KIAA0586: variants seen among roughly 807,000 people sequenced by gnomAD.
The protein encoded by KIAA0586 is protein TALPID3.
A neutral mutation model predicts 169.8 loss-of-function variants in KIAA0586; 144 were observed. The ratio of observed to expected loss-of-function variants is 0.85; its 90% CI spans 0.74 to 0.97. The LOEUF (loss-of-function observed/expected upper bound fraction) is 0.97, where lower values mean the gene tolerates loss of function less well. Ranked by LOEUF, KIAA0586 falls within the 50% of genes least tolerant of loss-of-function variation. The pLI is 0.00. For missense variants in KIAA0586, 1,854 were observed against 1,823.0 expected, an observed-to-expected ratio of 1.02 and a Z score of -0.31; for synonymous variants, 625 against 612.4, an observed-to-expected ratio of 1.02 and a Z score of -0.30.
At chr14:58,531,326 C>CAAA (rs1025870057) in intron 29 of KIAA0586, among the ~76,000 whole-genome samples, 5 of 96,170 alleles carry the variant, frequency 5.2e-5, no homozygotes, top group East Asian at 2.7e-4. Flanking sequence ...GACTCCGTCT[C>CAAA]AAAAAAAAAA....
chr14:58,556,436 T>A, the KIAA0586 span, among the ~76,000 whole-genome samples: 1 of 152,246 alleles, frequency 6.6e-6, no homozygotes, highest in Admixed American at 6.5e-5. Flanking sequence ...ATTTATATAG[T>A]GAAGTACTAA....
At chr14:58,518,352 T>C (rs1022823024) in intron 29 of KIAA0586, among the ~76,000 whole-genome samples, 5 of 152,302 alleles carry the variant, frequency 3.3e-5, no homozygotes, top group African/African-American at 1.2e-4. Flanking sequence ...TTAAATTGGA[T>C]TTTTAGGTGT....
At chr14:58,478,304 G>GA (rs2041798820) in intron 20 of KIAA0586, among the ~76,000 whole-genome samples, 1 of 152,166 alleles carries the variant, frequency 6.6e-6, no homozygotes, top group Admixed American at 6.5e-5. Context: ...CCAACATAGT[G>GA]AAACCCCGTC....
At chr14:58,523,340 C>T (rs1331031009) in intron 29 of KIAA0586, among the ~76,000 whole-genome samples, 1 of 152,114 alleles carries the variant, frequency 6.6e-6, no homozygotes. Context: ...ACATTAAACA[C>T]ATCTCACCAA....
rs1293714711 is a variant in KIAA0586 at position 58,428,456 on chromosome 14, A to G, written c.192A>G (p.Thr64=). Residue 64 remains threonine, a synonymous_variant, in exon 1 of 31, where the codon ACA becomes ACG. Transcript: ENST00000652326. ...PVGTGTSLNG[T]SRGSSDLTSA... is the part of the protein sequence containing the mutation. ...GAACGGGGACTAGTTTGAATGGAAC[A>G]TCACGTGGTATGTGATTCCATGTAG... 6.2e-7 allele frequency: 1 copy of G among 1,607,458 alleles called. No homozygotes were observed. Among genetic ancestry groups the G allele is most frequent in the Non-Finnish European group, 8.5e-7 (1 of 1,173,972 alleles).
rs1398683889 is a variant in KIAA0586 at position 58,428,059 on chromosome 14, G to A, written c.-206G>A. On this transcript the variant is annotated 5_prime_UTR_variant, in exon 1 of 31. Coordinates refer to ENST00000652326, the MANE Select transcript of KIAA0586 (RefSeq NM_001329943.3). ...CACATTTTGGCGTGGTGTATTAATA[G>A]ACTGAGTGGGATTAATGGGTAAATA... 1 of 1,441,464 alleles carries A rather than the reference G, an allele frequency of 6.9e-7. No homozygotes were observed. The highest frequency in any genetic ancestry group is 1.5e-5 in the South Asian group (1 of 65,548). 89.3% of individuals were successfully genotyped at this position (1,441,464 alleles called of 1,614,324 possible).
chr14:58,556,570 A>G, the KIAA0586 span, among the ~76,000 whole-genome samples: 10,435 of 152,180 alleles, frequency 0.069, 493 homozygotes, highest in Non-Finnish European at 0.1. Flanking sequence ...CCTAGTCAAT[A>G]CACACCCCTC....
rs1370748656 is a variant in KIAA0586, at chr14:58,548,503, C to T, written c.*571C>T. On this transcript the variant is annotated 3_prime_UTR_variant, in exon 31 of 31. Transcript: ENST00000652326. ...ATTTAAAATGGGGTGGGGAGGAATT[C>T]AAATGTATGGTATGTCACATATTCT... 1 of 152,062 alleles carries T rather than the reference C, an allele frequency of 6.6e-6. No individual in the cohort carries two copies. The highest frequency in any genetic ancestry group is 2.4e-5 in the African/African-American group (1 of 41,410). The allele number at this position is 152,062 out of a possible 1,614,324, so 9.4% of individuals were successfully genotyped here. A position where few individuals can be genotyped will look rare whatever the true frequency, so the allele number is the denominator to read the frequency against.
Position 58,492,174 on chromosome 14 carries a change from A to G in KIAA0586, c.3889A>G (p.Ile1297Val). 1.3e-6 allele frequency: 2 copies of G among 1,548,958 alleles called. No homozygotes were observed. The highest frequency in any genetic ancestry group is 1.7e-6 in the Non-Finnish European group (2 of 1,145,362). Reference sequence around the variant, plus strand: ...TGATCCTCCTAGTGAAGGGCAAGTGATTAGGATGTCCCATAAAAAATTTCA... The same window carrying G: ...TGATCCTCCTAGTGAAGGGCAAGTGGTTAGGATGTCCCATAAAAAATTTCA... ...EDDPPSEGQV[I>V]RMSHKKFHAD... The change falls in exon 26 of 31, where the codon ATT becomes GTT. Residue 1297 changes from isoleucine to valine, a missense_variant. Coordinates refer to ENST00000652326, the MANE Select transcript of KIAA0586 (RefSeq NM_001329943.3).
At chr14:58,537,749 G>A (rs1383185701) in intron 29 of KIAA0586, among the ~76,000 whole-genome samples, 1 of 151,912 alleles carries the variant, frequency 6.6e-6, no homozygotes, top group East Asian at 1.9e-4. Flanking sequence ...CCAGGTTCAC[G>A]CCATTCTCCT....
At chr14:58,533,176 T>C (rs1009295776) in intron 29 of KIAA0586, among the ~76,000 whole-genome samples, 4 of 152,240 alleles carry the variant, frequency 2.6e-5, no homozygotes, top group Non-Finnish European at 5.9e-5. Context: ...AAGTAGGACT[T>C]AGGAAGTCCT....
Position 58,445,118 on chromosome 14 carries a change from CACAT to C in KIAA0586, c.807+951_807+954del, listed in dbSNP as rs374484299. ...AAAAAAAAAGAACTATATACACACACACATACATACACACACACACACACACACA... is the reference window on the plus strand; with the variant it reads ...AAAAAAAAAGAACTATATACACACACACATACACACACACACACACACACA... On this transcript the variant is annotated intron_variant, in intron 6 of 30. Coordinates refer to ENST00000652326, the MANE Select transcript of KIAA0586 (RefSeq NM_001329943.3). Among the ~76,000 whole-genome samples the C allele has an allele frequency of 5.1e-4, 75 of 146,414 alleles. No individual in the cohort carries two copies. The East Asian group carries it at 8.5e-3, about 17-fold the overall frequency.
chr14:58,539,768 C>A, intron 29 of KIAA0586: 1 of 212,002 alleles, frequency 4.7e-6, no homozygotes. Flanking sequence ...GAAGAAATGG[C>A]CCATTAATTT....
intron 30 of KIAA0586, among the ~76,000 whole-genome samples, chr14:58,540,510 T>G (rs1055239048): frequency 6.6e-6 from 1 of 152,208 alleles, no homozygotes; most frequent in African/African-American, 2.4e-5. Context: ...AGCTGGAACC[T>G]GGCATAAAAA....
the KIAA0586 span, among the ~76,000 whole-genome samples, chr14:58,560,203 A>G: frequency 6.6e-6 from 1 of 151,822 alleles, no homozygotes; most frequent in African/African-American, 2.4e-5. Flanking sequence ...CACCAAACCA[A>G]CAGCTGGTGG....
chr14:58,485,315 G>T (rs1231824081), intron 21 of KIAA0586, among the ~76,000 whole-genome samples: 1 of 151,792 alleles, frequency 6.6e-6, no homozygotes, highest in Non-Finnish European at 1.5e-5. Context: ...AGATGAAGAT[G>T]ATCAACCTCA....
At chr14:58,539,832 C>T in intron 29 of KIAA0586, 1 of 314,004 alleles carries the variant, frequency 3.2e-6, no homozygotes, top group South Asian at 1.1e-4. Context: ...TTCCCCCCCC[C>T]ATCTGTGATG....
chr14:58,533,034 C>CT (rs2046078721), intron 29 of KIAA0586, among the ~76,000 whole-genome samples: 1 of 152,142 alleles, frequency 6.6e-6, no homozygotes, highest in African/African-American at 2.4e-5. Context: ...AACAGGAGCA[C>CT]TTTTTTCTTG....
intron 29 of KIAA0586, among the ~76,000 whole-genome samples, chr14:58,514,574 G>C (rs1350000632): frequency 6.6e-6 from 1 of 151,888 alleles, no homozygotes; most frequent in Non-Finnish European, 1.5e-5. Flanking sequence ...ACTGAAGAAT[G>C]GTAGGACACA....
Sources: allele counts gnomAD v4.1 joint callset (sites outside exome capture counted in the v4.1 genomes callset), GRCh38; gene constraint gnomAD v4.1.1; transcripts MANE v1.5; gene names NCBI Gene and HGNC (gene_info 2026-07-23, HGNC 2026-07-21).